The following SPOCK3 variants were observed in gnomAD, a reference collection of about 807,000 sequenced individuals.
SPOCK3 encodes the protein SPARC (osteonectin), cwcv and kazal like domains proteoglycan 3, also known as testican-3.
A neutral mutation model predicts 56.6 loss-of-function variants in SPOCK3; 30 were observed. The observed-to-expected ratio is 0.53, with a 90% confidence interval of 0.40 to 0.72. The LOEUF is 0.72. Ranked by LOEUF, SPOCK3 falls within the 30% of genes least tolerant of loss-of-function variation. The pLI is 0.00. For synonymous variants in SPOCK3, 196 were observed against 183.3 expected (o/e 1.07, Z -0.56); for missense variants, 527 against 530.0 (o/e 0.99, Z 0.06).
At chr4:166,885,944 T>C (rs1240441801) in intron 6 of SPOCK3, among the ~76,000 whole-genome samples, 1 of 152,170 alleles carries the variant, frequency 6.6e-6, no homozygotes, top group African/African-American at 2.4e-5. Flanking sequence ...TAAAGTTTAC[T>C]GTGCTTATGT....
intron 2 of SPOCK3, among the ~76,000 whole-genome samples, chr4:167,142,021 C>A (rs1432818814): frequency 6.6e-6 from 1 of 151,966 alleles, no homozygotes; most frequent in South Asian, 2.1e-4. Context: ...CCAATGGCTT[C>A]TAAAGGAAAA....
At chr4:167,096,844 G>A (rs1759201013) in intron 2 of SPOCK3, among the ~76,000 whole-genome samples, 1 of 151,700 alleles carries the variant, frequency 6.6e-6, no homozygotes, top group African/African-American at 2.4e-5. Flanking sequence ...ATCAATTACT[G>A]AAAGAGGAAG....
In SPOCK3 at chr4:167,000,413, T is replaced by C; in HGVS notation, c.286A>G (p.Lys96Glu). The C allele has an allele frequency of 6.2e-7, 1 of 1,609,386 alleles. No individual in the cohort carries two copies. Residue 96 changes from lysine to glutamate, a missense_variant, in exon 4 of 11, where the codon AAA becomes GAA. Coordinates refer to ENST00000357545, the MANE Select transcript of SPOCK3 (RefSeq NM_001040159.2). ...TGAGAATCTTGAGCAATGCATACTTTATGGCGACTACATTTCATCTTTAAG... is the reference window on the plus strand; with the variant it reads ...TGAGAATCTTGAGCAATGCATACTTCATGGCGACTACATTTCATCTTTAAG... ...PCLKMKCSRH[K>E]VCIAQDSQTA...
In SPOCK3 at chr4:166,931,261, C is replaced by T. The variant is rs534447072; in HGVS notation, c.351-18518G>A. Among the ~76,000 whole-genome samples the T allele has an allele frequency of 1.5e-4, 23 of 150,744 alleles. No homozygotes were observed. The South Asian group carries it at 2.1e-3, about 14-fold the overall frequency. Reference sequence around the variant, plus strand: ...CCTCTCAAAGTGCCGGGATTTCAGGCGTGAGCCACCGCTCCCGGCCCAGAG... The same window carrying T: ...CCTCTCAAAGTGCCGGGATTTCAGGTGTGAGCCACCGCTCCCGGCCCAGAG... On this transcript the variant is annotated intron_variant, in intron 4 of 10. Coordinates refer to ENST00000357545, the MANE Select transcript of SPOCK3 (RefSeq NM_001040159.2).
intron 4 of SPOCK3, among the ~76,000 whole-genome samples, chr4:166,929,586 T>G (rs1040902742): frequency 6.6e-6 from 1 of 152,212 alleles, no homozygotes. Flanking sequence ...GTAATTGTTT[T>G]CATCAGAAAT....
intron 4 of SPOCK3, among the ~76,000 whole-genome samples, chr4:166,989,057 G>T (rs530657495): frequency 2.0e-5 from 3 of 152,110 alleles, no homozygotes; most frequent in African/African-American, 7.2e-5. Flanking sequence ...CGGAAGGAAA[G>T]AAACCTACGA....
At chr4:167,030,639 G>A (rs142285982) in intron 3 of SPOCK3, among the ~76,000 whole-genome samples, 1 of 151,922 alleles carries the variant, frequency 6.6e-6, no homozygotes, top group South Asian at 2.1e-4. Flanking sequence ...ATTTTGTTGA[G>A]GACTGGCTCA....
intron 3 of SPOCK3, among the ~76,000 whole-genome samples, chr4:167,020,793 C>T (rs1280252626): frequency 2.6e-5 from 4 of 151,916 alleles, no homozygotes; most frequent in Non-Finnish European, 5.9e-5. Context: ...ATCCTTACTT[C>T]CCATTACAAA....
At chr4:166,858,321 A>G (rs762858003) in intron 6 of SPOCK3, among the ~76,000 whole-genome samples, 1 of 152,184 alleles carries the variant, frequency 6.6e-6, no homozygotes, top group Non-Finnish European at 1.5e-5. Context: ...TGCTCTGTCT[A>G]CATTCTCCAT....
intron 8 of SPOCK3, chr4:166,753,965 A>T (rs1405281791): frequency 2.8e-6 from 1 of 361,154 alleles, no homozygotes; most frequent in Non-Finnish European, 3.9e-6. Flanking sequence ...CCTCCTCCTT[A>T]GTATTAAGAC....
intron 10 of SPOCK3, among the ~76,000 whole-genome samples, chr4:166,736,439 A>T (rs1734223849): frequency 6.6e-6 from 1 of 152,090 alleles, no homozygotes; most frequent in Non-Finnish European, 1.5e-5. Flanking sequence ...CTTTCTTCCT[A>T]CTTAAATCTA....
chr4:166,822,158 A>G (rs1745001601), intron 6 of SPOCK3, among the ~76,000 whole-genome samples: 1 of 152,080 alleles, frequency 6.6e-6, no homozygotes, highest in Admixed American at 6.6e-5. Flanking sequence ...TTATCTCACA[A>G]TGAAGCTGCC....
At chr4:167,139,220 T>C (rs770065697) in intron 2 of SPOCK3, among the ~76,000 whole-genome samples, 4 of 151,994 alleles carry the variant, frequency 2.6e-5, no homozygotes, top group Non-Finnish European at 5.9e-5. Flanking sequence ...GCTGAGCATA[T>C]AAATGTGATA....
intron 8 of SPOCK3, among the ~76,000 whole-genome samples, chr4:166,749,770 T>G (rs1736135624): frequency 6.6e-6 from 1 of 152,170 alleles, no homozygotes; most frequent in South Asian, 2.1e-4. Flanking sequence ...CCTGATAATC[T>G]TCTGAGTCTC....
intron 3 of SPOCK3, among the ~76,000 whole-genome samples, chr4:167,044,561 C>T (rs558665389): frequency 6.6e-6 from 1 of 151,970 alleles, no homozygotes; most frequent in Non-Finnish European, 1.5e-5. Context: ...GTATAAACTT[C>T]TTTGTAAGCA....
chr4:167,016,543 C>CT (rs555463084), intron 3 of SPOCK3, among the ~76,000 whole-genome samples: 1,635 of 142,524 alleles, frequency 0.011, 20 homozygotes, highest in East Asian at 0.032. Context: ...CCCAGAAAAT[C>CT]TTTTTTTTTT....
chr4:167,182,304 G>A (rs1420382843), intron 2 of SPOCK3, among the ~76,000 whole-genome samples: 1 of 151,250 alleles, frequency 6.6e-6, no homozygotes, highest in Non-Finnish European at 1.5e-5. Context: ...TGCATACTTA[G>A]CCAGAACTAA....
At chr4:167,073,097 C>A (rs975331053) in intron 2 of SPOCK3, among the ~76,000 whole-genome samples, 2 of 151,416 alleles carry the variant, frequency 1.3e-5, no homozygotes, top group African/African-American at 4.8e-5. Flanking sequence ...ACATTTGTAT[C>A]ATATTAATAA....
intron 2 of SPOCK3, among the ~76,000 whole-genome samples, chr4:167,113,612 G>T (rs778485052): frequency 7.2e-5 from 11 of 152,006 alleles, no homozygotes; most frequent in African/African-American, 2.7e-4. Context: ...TAAGGGAGAA[G>T]TTGGCAGGAT....
Sources: gnomAD v4.1 joint callset for allele counts (sites outside exome capture counted in the v4.1 genomes callset) on GRCh38, gnomAD v4.1.1 for gene constraint, MANE v1.5 for transcripts, NCBI Gene and HGNC (gene_info 2026-07-23, HGNC 2026-07-21) for gene names.